ZEB1: variants seen among roughly 807,000 people sequenced by gnomAD.
ZEB1 encodes the protein zinc finger E-box-binding homeobox 1.
A neutral mutation model predicts 84.9 loss-of-function variants in ZEB1; 21 were observed. That is an observed-to-expected ratio of 0.25 (90% CI 0.18 to 0.36). ZEB1 has a LOEUF of 0.36. ZEB1 is among the 10% of genes least tolerant of loss of function. The pLI is 1.00. For synonymous variants in ZEB1, 420 were observed against 471.1 expected, an observed-to-expected ratio of 0.89 and a Z score of 1.41; for missense variants, 1,104 against 1,330.2, an observed-to-expected ratio of 0.83 and a Z score of 2.65.
At chr10:31,431,029 T>A (rs1219664217) in intron 1 of ZEB1, among the ~76,000 whole-genome samples, 1 of 152,212 alleles carries the variant, frequency 6.6e-6, no homozygotes, top group African/African-American at 2.4e-5. Context: ...GTATTTGTTT[T>A]ATGGATCATG....
intron 1 of ZEB1, among the ~76,000 whole-genome samples, chr10:31,417,694 A>G (rs1448777781): frequency 6.6e-6 from 1 of 152,028 alleles, no homozygotes; most frequent in Non-Finnish European, 1.5e-5. Context: ...TATTTTAAAT[A>G]TTTTGCATTT....
At chr10:31,471,992 A>G (rs2063330436) in intron 2 of ZEB1, among the ~76,000 whole-genome samples, 1 of 142,404 alleles carries the variant, frequency 7.0e-6, no homozygotes, top group Non-Finnish European at 1.5e-5. Flanking sequence ...AGGCAGAAAT[A>G]AAGATGTTCT....
chr10:31,422,829 T>TA (rs1458542591), intron 1 of ZEB1, among the ~76,000 whole-genome samples: 1 of 151,866 alleles, frequency 6.6e-6, no homozygotes, highest in Non-Finnish European at 1.5e-5. Flanking sequence ...TTTCTTTTGT[T>TA]CCCCCCTTTG....
intron 2 of ZEB1, among the ~76,000 whole-genome samples, chr10:31,489,775 T>A (rs1336319181): frequency 6.6e-6 from 1 of 151,322 alleles, no homozygotes; most frequent in Non-Finnish European, 1.5e-5. Flanking sequence ...CTCCTTTATT[T>A]TATAGTTTTT....
chr10:31,416,502 C>T (rs577135771), intron 1 of ZEB1, among the ~76,000 whole-genome samples: 4 of 152,142 alleles, frequency 2.6e-5, no homozygotes, highest in African/African-American at 9.6e-5. Context: ...TTCTGGTCTT[C>T]CATTTTAATT....
At chr10:31,339,677 G>A (rs1450650065) in intron 1 of ZEB1, among the ~76,000 whole-genome samples, 1 of 151,850 alleles carries the variant, frequency 6.6e-6, no homozygotes, top group Non-Finnish European at 1.5e-5. Context: ...GGCTGAGACA[G>A]GAGAATCGCT....
Position 31,528,868 on chromosome 10 carries a change from C to T in ZEB1, c.*1604C>T, listed in dbSNP as rs1834631810. On this transcript the variant is annotated 3_prime_UTR_variant, in exon 9 of 9. Coordinates refer to ENST00000424869, the MANE Select transcript of ZEB1 (RefSeq NM_001174096.2). ...CTTAAATGGGAATGTATTAGTTTTA[C>T]AACTACAATCAAGTCATTTTACCTT... 1 of 152,158 alleles carries T rather than the reference C, an allele frequency of 6.6e-6. No homozygotes were observed. The highest frequency in any genetic ancestry group is 1.5e-5 in the Non-Finnish European group (1 of 68,024). 9.4% of individuals were successfully genotyped at this position (152,158 alleles called of 1,614,324 possible).
rs536458127 is a variant in ZEB1, at chr10:31,343,461, A to C, written c.58+24169A>C. ...TAAGCCTAAGATTTCATTATTTATC[A>C]TACACATTTATTTATTTATTTTTAT... On this transcript the variant is annotated intron_variant, in intron 1 of 8. Coordinates refer to ENST00000424869, the MANE Select transcript of ZEB1 (RefSeq NM_001174096.2). 1.3e-4 allele frequency among the ~76,000 whole-genome samples: 20 copies of C among 152,160 alleles called. No homozygotes were observed. In the South Asian group the frequency reaches 3.9e-3, roughly 30 times the overall value.
chr10:31,377,781 T>G (rs1163569982), intron 1 of ZEB1, among the ~76,000 whole-genome samples: 2 of 151,760 alleles, frequency 1.3e-5, no homozygotes, highest in African/African-American at 4.8e-5. Flanking sequence ...TTAAAATTCC[T>G]TTTTAAATAA....
At chr10:31,500,188 T>C (rs945567154) in intron 3 of ZEB1, among the ~76,000 whole-genome samples, 8 of 152,154 alleles carry the variant, frequency 5.3e-5, no homozygotes, top group African/African-American at 1.9e-4. Flanking sequence ...ACATAAAATA[T>C]TAATTTCATT....
At chr10:31,405,505 C>T (rs2052806654) in intron 1 of ZEB1, among the ~76,000 whole-genome samples, 1 of 151,946 alleles carries the variant, frequency 6.6e-6, no homozygotes, top group Non-Finnish European at 1.5e-5. Context: ...TTATTCTTTC[C>T]TAGTATTATT....
chr10:31,454,297 C>G (rs2137168973), intron 1 of ZEB1, among the ~76,000 whole-genome samples: 1 of 152,248 alleles, frequency 6.6e-6, no homozygotes, highest in African/African-American at 2.4e-5. Context: ...AAACCCACAG[C>G]CAATATCTTA....
At chr10:31,318,833 C>G (rs915633926), upstream of ZEB1, 24 of 340,456 alleles carry the variant, frequency 7.0e-5, no homozygotes, top group African/African-American at 3.4e-4. Context: ...CCTCCCTGCC[C>G]CGGGCAGCCG....
intron 1 of ZEB1, among the ~76,000 whole-genome samples, chr10:31,344,591 CATTA>C: frequency 6.6e-6 from 1 of 152,158 alleles, no homozygotes; most frequent in East Asian, 1.9e-4. Context: ...TGCCAATAGT[CATTA>C]ATTGTTAAAA....
chr10:31,319,065 C>G (rs888439886), upstream of ZEB1: 17 of 656,810 alleles, frequency 2.6e-5, no homozygotes, highest in Non-Finnish European at 3.9e-5. Flanking sequence ...AACAAGGTTC[C>G]GGCCGTAGAG....
chr10:31,418,666 G>A (rs1406456966), intron 1 of ZEB1, among the ~76,000 whole-genome samples: 1 of 152,038 alleles, frequency 6.6e-6, no homozygotes, highest in Non-Finnish European at 1.5e-5. Context: ...CTGAGGTTAG[G>A]AATTGTGTTC....
At chr10:31,361,146 G>A (rs1297676829) in intron 1 of ZEB1, 9 of 1,611,974 alleles carry the variant, frequency 5.6e-6, no homozygotes, top group East Asian at 2.2e-5. Context: ...TTGAAGAGTG[G>A]CAACCAGAAC....
chr10:31,422,791 A>G (rs1462847697), intron 1 of ZEB1, among the ~76,000 whole-genome samples: 6 of 152,078 alleles, frequency 3.9e-5, no homozygotes, highest in Admixed American at 2.0e-4. Flanking sequence ...CATAGTGCCC[A>G]ATAGGTACCT....
In ZEB1 at chr10:31,362,076, G is replaced by A. The variant is rs566662298; in HGVS notation, c.58+42784G>A. On this transcript the variant is annotated intron_variant, in intron 1 of 8. Transcript: ENST00000424869. Reference sequence around the variant, plus strand: ...CAGAGGCGCTCCTCATTTCCCACACGGTGAGGAGGCCGGGCAGGGGCACTC... The same window carrying A: ...CAGAGGCGCTCCTCATTTCCCACACAGTGAGGAGGCCGGGCAGGGGCACTC... Among the ~76,000 whole-genome samples, 9 of 146,514 alleles carry A rather than the reference G, an allele frequency of 6.1e-5. No homozygotes were observed. The East Asian group carries it at 8.6e-4, about 14-fold the overall frequency.
Sources: gnomAD v4.1 joint callset for allele counts (sites outside exome capture counted in the v4.1 genomes callset) on GRCh38, gnomAD v4.1.1 for gene constraint, MANE v1.5 for transcripts, NCBI Gene and HGNC (gene_info 2026-07-23, HGNC 2026-07-21) for gene names.